The following IMMP2L variants were observed in gnomAD, a reference collection of about 807,000 sequenced individuals.
IMMP2L encodes the protein mitochondrial inner membrane protease subunit 2.
IMMP2L carries 18 observed loss-of-function variants against 19.3 expected under a neutral mutation model. That is an observed-to-expected ratio of 0.93 (90% CI 0.64 to 1.38). The LOEUF is 1.38. IMMP2L is among the 40% of genes most tolerant of loss of function. IMMP2L has a pLI of 0.00. For synonymous variants in IMMP2L, 76 were observed against 73.0 expected (o/e 1.04, Z -0.21); for missense variants, 233 against 218.2 (o/e 1.07, Z -0.43).
intron 3 of IMMP2L, among the ~76,000 whole-genome samples, chr7:111,225,434 T>C (rs550222442): frequency 6.6e-6 from 1 of 152,138 alleles, no homozygotes; most frequent in East Asian, 1.9e-4. Flanking sequence ...GAATCTATAT[T>C]TTCCAAATGA....
intron 3 of IMMP2L, among the ~76,000 whole-genome samples, chr7:111,130,128 A>G (rs534197238): frequency 6.6e-6 from 1 of 152,264 alleles, no homozygotes; most frequent in African/African-American, 2.4e-5. Context: ...CTGTATATAC[A>G]TCTCAGAAGG....
rs374942423 is a variant in IMMP2L, at chr7:111,507,700, C to A, written c.135+13613G>T. 8.5e-5 allele frequency among the ~76,000 whole-genome samples: 13 copies of A among 152,222 alleles called. No individual in the cohort carries two copies. The East Asian group carries it at 2.3e-3, about 27-fold the overall frequency. On this transcript the variant is annotated intron_variant, in intron 2 of 5. Coordinates refer to ENST00000405709, the MANE Select transcript of IMMP2L (RefSeq NM_032549.4). The stretch of plus-strand genomic sequence containing the variant: ...CAATTTTTGTTTCAGTTATCTCTTG[C>A]TTCATAACAAACCACTCCAAAACTA...
intron 1 of IMMP2L, among the ~76,000 whole-genome samples, chr7:111,535,286 C>CA (rs945796798): frequency 1.4e-5 from 2 of 139,620 alleles, no homozygotes; most frequent in African/African-American, 2.7e-5. Context: ...AAACAAAAAA[C>CA]AAAAAAAGGA....
At chr7:110,754,641 T>G (rs1019960716) in intron 5 of IMMP2L, among the ~76,000 whole-genome samples, 1 of 152,064 alleles carries the variant, frequency 6.6e-6, no homozygotes, top group African/African-American at 2.4e-5. Context: ...GATACACATC[T>G]GCTTACCGCT....
chr7:110,817,150 TA>T (rs1802596933), intron 5 of IMMP2L, among the ~76,000 whole-genome samples: 1 of 152,026 alleles, frequency 6.6e-6, no homozygotes, highest in Non-Finnish European at 1.5e-5. Context: ...GGTATTCAAT[TA>T]GGAAAAGAGG....
intron 3 of IMMP2L, among the ~76,000 whole-genome samples, chr7:111,383,194 A>G (rs1831377104): frequency 6.6e-6 from 1 of 152,098 alleles, no homozygotes; most frequent in South Asian, 2.1e-4. Flanking sequence ...TCTCCTGTCT[A>G]TATAACCCTA....
At chr7:111,403,660 A>G (rs1214450998) in intron 3 of IMMP2L, among the ~76,000 whole-genome samples, 1 of 152,118 alleles carries the variant, frequency 6.6e-6, no homozygotes, top group South Asian at 2.1e-4. Context: ...TCACAGGAAA[A>G]AAGTTAAGCA....
intron 5 of IMMP2L, among the ~76,000 whole-genome samples, chr7:110,750,196 A>C (rs997618337): frequency 1.3e-4 from 20 of 152,128 alleles, no homozygotes; most frequent in African/African-American, 4.8e-4. Context: ...GCTTCTACTC[A>C]CTGATCTGGG....
intron 3 of IMMP2L, among the ~76,000 whole-genome samples, chr7:111,195,859 T>G (rs1398623474): frequency 2.0e-4 from 2 of 10,146 alleles, no homozygotes; most frequent in Non-Finnish European, 2.1e-4. Context: ...TTTCATTTCA[T>G]TTTTGCTCTA....
At chr7:111,290,474 G>T (rs1480851036) in intron 3 of IMMP2L, among the ~76,000 whole-genome samples, 1 of 151,446 alleles carries the variant, frequency 6.6e-6, no homozygotes, top group Non-Finnish European at 1.5e-5. Flanking sequence ...AATATAATCT[G>T]TGTTTATTTA....
chr7:110,790,326 A>C (rs759809945), intron 5 of IMMP2L, among the ~76,000 whole-genome samples: 1 of 151,738 alleles, frequency 6.6e-6, no homozygotes, highest in Non-Finnish European at 1.5e-5. Context: ...TAAGGCAAAG[A>C]CTGATGGAAA....
intron 3 of IMMP2L, among the ~76,000 whole-genome samples, chr7:111,468,273 A>G (rs748281391): frequency 2.0e-4 from 31 of 152,128 alleles, no homozygotes; most frequent in Non-Finnish European, 4.1e-4. Flanking sequence ...TGTTACCTGG[A>G]TGTTATTAAC....
At position 110,821,845 on chromosome 7, in the gene IMMP2L, C is replaced by G. The variant is rs966904588; in HGVS notation, c.408+64748G>C. ...GGCTGAGGCAGGAGAATCGCTTGAA[C>G]CCAGTAGGTGGAGGTTGCAGTGAAC... On this transcript the variant is annotated intron_variant, in intron 5 of 5. Transcript: ENST00000405709. 1.1e-4 allele frequency among the ~76,000 whole-genome samples: 16 copies of G among 152,204 alleles called. 2 individuals are homozygous for G. The highest frequency in any genetic ancestry group is 9.2e-4 in the Admixed American group (14 of 15,270).
intron 3 of IMMP2L, among the ~76,000 whole-genome samples, chr7:111,446,628 G>T (rs2131853924): frequency 6.6e-6 from 1 of 152,204 alleles, no homozygotes; most frequent in South Asian, 2.1e-4. Context: ...AGAAAAACTG[G>T]AAACTCTAAA....
At chr7:111,448,080 G>C (rs948601437) in intron 3 of IMMP2L, among the ~76,000 whole-genome samples, 3 of 143,646 alleles carry the variant, frequency 2.1e-5, no homozygotes, top group Non-Finnish European at 4.5e-5. Flanking sequence ...GACCTACAAA[G>C]AGACTTAGAC....
chr7:110,945,497 A>C (rs2129553486), intron 4 of IMMP2L, among the ~76,000 whole-genome samples: 1 of 152,042 alleles, frequency 6.6e-6, no homozygotes, highest in Admixed American at 6.6e-5. Context: ...GCCTCACGGT[A>C]AAGTATCTGC....
intron 5 of IMMP2L, among the ~76,000 whole-genome samples, chr7:110,721,112 C>A (rs957081919): frequency 6.6e-5 from 10 of 151,836 alleles, no homozygotes; most frequent in African/African-American, 2.2e-4. Context: ...ATCCTACACC[C>A]ATCCTACATC....
At chr7:111,502,142 A>G (rs1384127049) in intron 2 of IMMP2L, among the ~76,000 whole-genome samples, 1 of 152,136 alleles carries the variant, frequency 6.6e-6, no homozygotes, top group Admixed American at 6.5e-5. Flanking sequence ...AAGCAAATGG[A>G]AAACAAAAAA....
chr7:111,276,118 CTTCT>C (rs992279358), intron 3 of IMMP2L, among the ~76,000 whole-genome samples: 13 of 151,846 alleles, frequency 8.6e-5, no homozygotes, highest in African/African-American at 2.4e-4. Context: ...GAGATATGTC[CTTCT>C]AAGGCCTAGT....
Sources: allele counts gnomAD v4.1 joint callset (sites outside exome capture counted in the v4.1 genomes callset), GRCh38; gene constraint gnomAD v4.1.1; transcripts MANE v1.5; gene names NCBI Gene and HGNC (gene_info 2026-07-23, HGNC 2026-07-21).